PDE10A: variants seen among roughly 807,000 people sequenced by gnomAD.
The protein encoded by PDE10A is cAMP and cAMP-inhibited cGMP 3',5'-cyclic phosphodiesterase 10A.
In PDE10A, 39 loss-of-function variants were observed where a neutral mutation model predicts 97.7. The observed-to-expected ratio is 0.40, with a 90% CI of 0.31 to 0.52. The LOEUF (loss-of-function observed/expected upper bound fraction) is 0.52. PDE10A is among the 20% of genes least tolerant of loss of function. The pLI, the probability that PDE10A is intolerant of heterozygous loss-of-function variation, is 0.56. For synonymous variants in PDE10A, 371 were observed against 376.8 expected (o/e 0.98, Z 0.18); for missense variants, 731 against 1,047.8 (o/e 0.70, Z 4.17).
intron 1 of PDE10A, among the ~76,000 whole-genome samples, chr6:165,744,063 G>A (rs1792790766): frequency 6.6e-6 from 1 of 152,050 alleles, no homozygotes; most frequent in Non-Finnish European, 1.5e-5. Context: ...GGAGTTACAG[G>A]TCATCTATTT....
intron 1 of PDE10A, among the ~76,000 whole-genome samples, chr6:165,721,525 G>A (rs545154121): frequency 3.9e-5 from 6 of 152,284 alleles, no homozygotes; most frequent in South Asian, 4.1e-4. Context: ...CTTACAGACC[G>A]TGAGGCCATA....
chr6:165,823,893 G>A (rs1374771683), intron 1 of PDE10A, among the ~76,000 whole-genome samples: 3 of 151,992 alleles, frequency 2.0e-5, no homozygotes, highest in African/African-American at 4.8e-5. Flanking sequence ...GACATGTGAC[G>A]GTATTTATGC....
chr6:165,465,253 G>A (rs747156606), intron 3 of PDE10A, among the ~76,000 whole-genome samples: 6 of 152,196 alleles, frequency 3.9e-5, no homozygotes, highest in Non-Finnish European at 8.8e-5. Flanking sequence ...GGAAATCTGC[G>A]AGCTACACAG....
At chr6:165,951,292 A>G (rs918198324) in intron 1 of PDE10A, among the ~76,000 whole-genome samples, 2 of 152,134 alleles carry the variant, frequency 1.3e-5, no homozygotes, top group Non-Finnish European at 2.9e-5. Flanking sequence ...CTTCTTCTTG[A>G]GTATTACCTG....
At chr6:165,839,252 C>T (rs948438343) in intron 1 of PDE10A, among the ~76,000 whole-genome samples, 3 of 152,156 alleles carry the variant, frequency 2.0e-5, no homozygotes, top group Non-Finnish European at 4.4e-5. Flanking sequence ...TGTCTTTCAG[C>T]AGAGGTGCTC....
intron 1 of PDE10A, among the ~76,000 whole-genome samples, chr6:165,545,864 C>T (rs892968199): frequency 6.6e-6 from 1 of 152,016 alleles, no homozygotes; most frequent in African/African-American, 2.4e-5. Context: ...CAGTTTCTTA[C>T]AAAGCTAAAT....
intron 1 of PDE10A, among the ~76,000 whole-genome samples, chr6:165,600,672 C>T (rs544490185): frequency 9.2e-5 from 14 of 152,282 alleles, no homozygotes; most frequent in Admixed American, 3.9e-4. Context: ...TCTTCCCTAC[C>T]GGCAGATTTA....
chr6:165,870,329 G>C (rs917874459), intron 1 of PDE10A, among the ~76,000 whole-genome samples: 1 of 152,050 alleles, frequency 6.6e-6, no homozygotes, highest in Non-Finnish European at 1.5e-5. Flanking sequence ...ACATACAAAC[G>C]GCCAAGAAGT....
intron 1 of PDE10A, among the ~76,000 whole-genome samples, chr6:165,931,489 C>T (rs949495511): frequency 1.3e-5 from 2 of 152,162 alleles, no homozygotes; most frequent in Non-Finnish European, 1.5e-5. Context: ...ACAAAGGATT[C>T]GAGGCAGAAC....
intron 1 of PDE10A, among the ~76,000 whole-genome samples, chr6:165,724,791 G>C (rs1314134437): frequency 1.3e-5 from 2 of 152,188 alleles, no homozygotes; most frequent in African/African-American, 4.8e-5. Context: ...GAGGTGAAAC[G>C]TTTGGGAGTC....
At chr6:165,865,466 A>G (rs1380909074) in intron 1 of PDE10A, among the ~76,000 whole-genome samples, 1 of 152,188 alleles carries the variant, frequency 6.6e-6, no homozygotes, top group East Asian at 1.9e-4. Context: ...AATCCATGAA[A>G]TGTTTAAAAA....
chr6:165,937,099 T>C (rs551699866), intron 1 of PDE10A, among the ~76,000 whole-genome samples: 1 of 152,330 alleles, frequency 6.6e-6, no homozygotes, highest in African/African-American at 2.4e-5. Context: ...AAACAGGCAG[T>C]TCTGCATGCA....
At chr6:165,614,476 G>A (rs905642731) in intron 1 of PDE10A, among the ~76,000 whole-genome samples, 19 of 151,994 alleles carry the variant, frequency 1.3e-4, no homozygotes, top group African/African-American at 4.4e-4. Flanking sequence ...GTCCTCACAC[G>A]CCACTTCCCT....
At chr6:165,336,702 T>C (rs1583059823) in intron 20 of PDE10A, among the ~76,000 whole-genome samples, 2 of 148,496 alleles carry the variant, frequency 1.3e-5, no homozygotes, top group South Asian at 2.1e-4. Flanking sequence ...TGAGCCGAGA[T>C]TGCGCCACTG....
intron 10 of PDE10A, among the ~76,000 whole-genome samples, chr6:165,428,105 CAG>C (rs1789294000): frequency 6.6e-6 from 1 of 152,052 alleles, no homozygotes; most frequent in Admixed American, 6.6e-5. Context: ...AAGCACATAA[CAG>C]GGCACAAATG....
chr6:165,870,523 A>T (rs1486242443), intron 1 of PDE10A, among the ~76,000 whole-genome samples: 1 of 152,240 alleles, frequency 6.6e-6, no homozygotes, highest in East Asian at 1.9e-4. Context: ...AAATTAGTAC[A>T]ACCATATAGA....
At chr6:165,344,581 G>A (rs1298209025) in intron 18 of PDE10A, among the ~76,000 whole-genome samples, 3 of 152,174 alleles carry the variant, frequency 2.0e-5, no homozygotes, top group African/African-American at 7.2e-5. Flanking sequence ...CAGGCAGACA[G>A]CACATTAGGA....
intron 1 of PDE10A, among the ~76,000 whole-genome samples, chr6:165,872,546 C>G (rs1006327353): frequency 1.3e-5 from 2 of 152,178 alleles, no homozygotes; most frequent in African/African-American, 4.8e-5. Flanking sequence ...GAGCTCCCTC[C>G]TGACCGAACA....
chr6:165,975,143 A>T (rs1159151817), intron 1 of PDE10A, among the ~76,000 whole-genome samples: 1 of 152,180 alleles, frequency 6.6e-6, no homozygotes, highest in Non-Finnish European at 1.5e-5. Flanking sequence ...CTTGCTGATA[A>T]ACCGCCTTTC....
Sources: gnomAD v4.1 joint callset for allele counts (sites outside exome capture counted in the v4.1 genomes callset) on GRCh38, gnomAD v4.1.1 for gene constraint, MANE v1.5 for transcripts, NCBI Gene and HGNC (gene_info 2026-07-23, HGNC 2026-07-21) for gene names.